ROBO2: variants seen among roughly 807,000 people sequenced by gnomAD.
ROBO2 encodes roundabout guidance receptor 2.
In ROBO2, 53 loss-of-function variants were observed where a neutral mutation model predicts 160.8. The ratio of observed to expected loss-of-function variants is 0.33; its 90% CI spans 0.26 to 0.41. The LOEUF is 0.41. Ranked by LOEUF, ROBO2 falls within the 10% of genes least tolerant of loss-of-function variation. ROBO2 has a pLI of 1.00. For synonymous variants in ROBO2, 664 were observed against 611.7 expected (o/e 1.09, Z -1.26); for missense variants, 1,577 against 1,722.4 (o/e 0.92, Z 1.49).
intron 2 of ROBO2, among the ~76,000 whole-genome samples, chr3:75,988,596 A>G (rs938265792): frequency 2.6e-5 from 4 of 151,984 alleles, no homozygotes; most frequent in Non-Finnish European, 4.4e-5. Context: ...TAAGATCTGC[A>G]TTCTGTTTAA....
chr3:77,266,645 T>G (rs1020030927), intron 2 of ROBO2, among the ~76,000 whole-genome samples: 8 of 152,256 alleles, frequency 5.3e-5, no homozygotes, highest in South Asian at 2.1e-4. Context: ...CAGGAAGACT[T>G]CTGTATAAAT....
At chr3:76,083,157 A>G (rs114397214) in intron 2 of ROBO2, among the ~76,000 whole-genome samples, 141 of 152,218 alleles carry the variant, frequency 9.3e-4, no homozygotes, top group African/African-American at 3.2e-3. Context: ...TCAGTTCTCT[A>G]TCAGTCAAAA....
At chr3:77,142,408 C>G (rs1303318286) in intron 2 of ROBO2, among the ~76,000 whole-genome samples, 2 of 152,044 alleles carry the variant, frequency 1.3e-5, no homozygotes, top group African/African-American at 4.8e-5. Context: ...GCACATATAC[C>G]CCTTCAGAGA....
At chr3:77,441,184 C>CCCCTTTT (rs1423839047) in intron 2 of ROBO2, among the ~76,000 whole-genome samples, 4 of 152,022 alleles carry the variant, frequency 2.6e-5, no homozygotes, top group African/African-American at 9.7e-5. Context: ...AACAGGGCAG[C>CCCCTTTT]CCCTTTTCAT....
At chr3:77,481,966 G>GA (rs780058709) in intron 4 of ROBO2, among the ~76,000 whole-genome samples, 1 of 151,854 alleles carries the variant, frequency 6.6e-6, no homozygotes, top group Non-Finnish European at 1.5e-5. Context: ...CAAAAAATTG[G>GA]AAAAAATAGA....
chr3:75,927,654 T>C (rs1947340949), intron 1 of ROBO2, among the ~76,000 whole-genome samples: 1 of 152,332 alleles, frequency 6.6e-6, no homozygotes, highest in Non-Finnish European at 1.5e-5. Context: ...TTTAAAATCC[T>C]TTTCCCTTTT....
chr3:77,110,301 C>T (rs898779901), intron 2 of ROBO2, among the ~76,000 whole-genome samples: 3 of 152,116 alleles, frequency 2.0e-5, no homozygotes, highest in Non-Finnish European at 4.4e-5. Context: ...TATCTTACTA[C>T]TTTAGGATAC....
At chr3:76,525,211 AAG>A (rs1263908509) in intron 2 of ROBO2, among the ~76,000 whole-genome samples, 1 of 151,882 alleles carries the variant, frequency 6.6e-6, no homozygotes, top group East Asian at 1.9e-4. Flanking sequence ...AAAAAGAGGA[AAG>A]AGAGTAAGTG....
chr3:76,956,994 G>A (rs1157331354), intron 2 of ROBO2, among the ~76,000 whole-genome samples: 1 of 152,050 alleles, frequency 6.6e-6, no homozygotes, highest in Non-Finnish European at 1.5e-5. Context: ...ATTATGCCGT[G>A]AAAAATAGAT....
chr3:77,635,118 T>C, intron 24 of ROBO2, 75 bp downstream of exon 25: 1 of 1,500,962 alleles, frequency 6.7e-7, no homozygotes, highest in Non-Finnish European at 9.1e-7. Flanking sequence ...TAGATTAATG[T>C]AGTCATGGTA....
At chr3:76,270,230 A>C (rs1432101335) in intron 2 of ROBO2, among the ~76,000 whole-genome samples, 1 of 152,086 alleles carries the variant, frequency 6.6e-6, no homozygotes, top group East Asian at 1.9e-4. Flanking sequence ...GTTGGCTGCC[A>C]AAAGGAATAT....
At chr3:76,951,200 A>T (rs902105795) in intron 2 of ROBO2, among the ~76,000 whole-genome samples, 1 of 152,168 alleles carries the variant, frequency 6.6e-6, no homozygotes, top group Non-Finnish European at 1.5e-5. Context: ...TCCATTCTCT[A>T]CTGTGATCTG....
chr3:77,353,635 C>T (rs1432668905), intron 2 of ROBO2, among the ~76,000 whole-genome samples: 2 of 152,082 alleles, frequency 1.3e-5, no homozygotes, highest in Admixed American at 6.6e-5. Flanking sequence ...CTCAGCCTCC[C>T]GAGTAGCTGG....
intron 2 of ROBO2, among the ~76,000 whole-genome samples, chr3:77,181,115 A>T (rs1052449111): frequency 5.9e-5 from 9 of 152,114 alleles, no homozygotes; most frequent in African/African-American, 1.4e-4. Context: ...CTTCAATCTT[A>T]CTTAGTTGCC....
At chr3:77,244,289 A>T (rs2089432346) in intron 2 of ROBO2, among the ~76,000 whole-genome samples, 1 of 152,226 alleles carries the variant, frequency 6.6e-6, no homozygotes, top group African/African-American at 2.4e-5. Context: ...GAGATGAACA[A>T]GACACATATT....
At chr3:76,392,182 T>C (rs936971839) in intron 2 of ROBO2, among the ~76,000 whole-genome samples, 1 of 152,206 alleles carries the variant, frequency 6.6e-6, no homozygotes, top group African/African-American at 2.4e-5. Flanking sequence ...AAATCTTAAT[T>C]ATAAATTAGA....
intron 2 of ROBO2, among the ~76,000 whole-genome samples, chr3:76,315,270 A>G (rs973680295): frequency 3.3e-5 from 5 of 152,224 alleles, no homozygotes; most frequent in African/African-American, 1.2e-4. Flanking sequence ...CGAAGTATGA[A>G]GTGATCAAAA....
intron 2 of ROBO2, among the ~76,000 whole-genome samples, chr3:76,815,136 AT>A (rs2065547480): frequency 6.6e-6 from 1 of 152,116 alleles, no homozygotes; most frequent in South Asian, 2.1e-4. Context: ...TTGCCTGAAA[AT>A]AAATGAGAAT....
At chr3:76,836,946 T>C (rs1309132815) in intron 2 of ROBO2, among the ~76,000 whole-genome samples, 2 of 151,886 alleles carry the variant, frequency 1.3e-5, no homozygotes, top group Admixed American at 6.6e-5. Flanking sequence ...AGATTTTCTG[T>C]CAATATGCTC....
Sources: gnomAD v4.1 joint callset for allele counts (sites outside exome capture counted in the v4.1 genomes callset) on GRCh38, gnomAD v4.1.1 for gene constraint, MANE v1.5 for transcripts, NCBI Gene and HGNC (gene_info 2026-07-23, HGNC 2026-07-21) for gene names.